BICD1: variants seen among roughly 807,000 people sequenced by gnomAD.
BICD1 encodes the protein protein bicaudal D homolog 1.
BICD1 carries 35 observed loss-of-function variants against 92.5 expected under a neutral mutation model. The observed-to-expected ratio is 0.38, with a 90% CI of 0.29 to 0.50. The LOEUF is 0.50. Ranked by LOEUF, BICD1 falls within the 20% of genes least tolerant of loss-of-function variation. BICD1 has a pLI of 0.93. For synonymous variants in BICD1, 429 were observed against 465.1 expected, an observed-to-expected ratio of 0.92 and a Z score of 1.00; for missense variants, 950 against 1,189.8, an observed-to-expected ratio of 0.80 and a Z score of 2.97.
At chr12:32,223,079 T>C (rs1945582190) in intron 2 of BICD1, among the ~76,000 whole-genome samples, 1 of 152,258 alleles carries the variant, frequency 6.6e-6, no homozygotes, top group African/African-American at 2.4e-5. Flanking sequence ...ACTTGCTGCA[T>C]TCAGTTAAAG....
intron 5 of BICD1, among the ~76,000 whole-genome samples, chr12:32,329,104 TA>T (rs201037289): frequency 1.4e-4 from 22 of 151,800 alleles, no homozygotes; most frequent in African/African-American, 2.4e-4. Context: ...TTATTATTAT[TA>T]TTTTTTATTT....
intron 2 of BICD1, among the ~76,000 whole-genome samples, chr12:32,261,131 A>G (rs974817257): frequency 4.6e-5 from 7 of 152,200 alleles, no homozygotes; most frequent in Non-Finnish European, 8.8e-5. Flanking sequence ...AGGAGGCCCA[A>G]GCTCATGATT....
chr12:32,215,187 C>CCACT (rs1243884090), intron 1 of BICD1, among the ~76,000 whole-genome samples: 2 of 151,632 alleles, frequency 1.3e-5, no homozygotes, highest in African/African-American at 4.9e-5. Context: ...CGAGATCATA[C>CCACT]CACTGCATTC....
At chr12:32,325,250 G>GGAGAC (rs1463220368) in intron 4 of BICD1, among the ~76,000 whole-genome samples, 3 of 151,984 alleles carry the variant, frequency 2.0e-5, no homozygotes, top group African/African-American at 7.3e-5. Flanking sequence ...TTTATCACTA[G>GGAGAC]GAGACAAGAC....
At chr12:32,120,873 GA>G in intron 1 of BICD1, among the ~76,000 whole-genome samples, 1 of 13,350 alleles carries the variant, frequency 7.5e-5, no homozygotes, top group South Asian at 2.9e-3. Context: ...CCATTAGAGA[GA>G]GAGAGAGAGA....
chr12:32,252,229 T>C (rs976684055), intron 2 of BICD1, among the ~76,000 whole-genome samples: 1 of 140,210 alleles, frequency 7.1e-6, no homozygotes, highest in Non-Finnish European at 1.5e-5. Context: ...GTATATATTA[T>C]ATATATAACT....
chr12:32,217,748 C>T (rs561286872), intron 2 of BICD1, among the ~76,000 whole-genome samples: 4 of 152,300 alleles, frequency 2.6e-5, no homozygotes, highest in African/African-American at 9.6e-5. Context: ...GACAGGGTGT[C>T]ACTCTATTGC....
intron 6 of BICD1, among the ~76,000 whole-genome samples, chr12:32,336,219 A>C (rs1034645548): frequency 7.2e-5 from 11 of 152,308 alleles, no homozygotes; most frequent in African/African-American, 2.6e-4. Context: ...TTAGCGGGTA[A>C]ATAAACTCAG....
intron 4 of BICD1, among the ~76,000 whole-genome samples, chr12:32,316,030 G>A (rs1203129743): frequency 6.6e-6 from 1 of 151,588 alleles, no homozygotes; most frequent in Non-Finnish European, 1.5e-5. Context: ...CAGCTACTTG[G>A]GAGGCTGAGG....
chr12:32,173,325 C>T (rs146244034), intron 1 of BICD1, among the ~76,000 whole-genome samples: 79 of 152,300 alleles, frequency 5.2e-4, no homozygotes, highest in African/African-American at 1.8e-3. Flanking sequence ...GCCGGGATTA[C>T]AGGCCTGAGC....
At chr12:32,304,294 A>T (rs1370983635) in intron 3 of BICD1, among the ~76,000 whole-genome samples, 1 of 152,240 alleles carries the variant, frequency 6.6e-6, no homozygotes, top group Non-Finnish European at 1.5e-5. Flanking sequence ...AATATTTTTT[A>T]AAATTCAAGT....
intron 4 of BICD1, among the ~76,000 whole-genome samples, chr12:32,324,563 G>C (rs535552577): frequency 2.4e-3 from 159 of 66,146 alleles, no homozygotes; most frequent in African/African-American, 8.9e-3. Context: ...CTACTGTACT[G>C]TACTTTTCTT....
intron 9 of BICD1, among the ~76,000 whole-genome samples, chr12:32,370,141 G>A (rs1304852597): frequency 1.3e-5 from 2 of 152,104 alleles, no homozygotes; most frequent in Non-Finnish European, 2.9e-5. Context: ...GGCCAAGGCC[G>A]GTGGATCACA....
At chr12:32,185,339 T>G (rs561860633) in intron 1 of BICD1, among the ~76,000 whole-genome samples, 2 of 152,356 alleles carry the variant, frequency 1.3e-5, no homozygotes, top group South Asian at 4.1e-4. Flanking sequence ...ACATTATACA[T>G]TATTAGTCAG....
chr12:32,357,738 GTC>G (rs1048726300), intron 8 of BICD1, among the ~76,000 whole-genome samples: 11 of 152,148 alleles, frequency 7.2e-5, no homozygotes, highest in African/African-American at 2.7e-4. Context: ...CATCCCTGGT[GTC>G]TCTCTGCATG....
chr12:32,194,652 G>C (rs557529602), intron 1 of BICD1, among the ~76,000 whole-genome samples: 1 of 151,786 alleles, frequency 6.6e-6, no homozygotes, highest in Non-Finnish European at 1.5e-5. Flanking sequence ...GAGGCCGAGG[G>C]GGGTGGATCA....
rs756688185 is a variant in BICD1, at chr12:32,107,561, C to A, written c.213+17C>A. The A allele has an allele frequency of 3.2e-6, 5 of 1,561,560 alleles. No homozygotes were observed. In the East Asian group the frequency reaches 1.2e-4, roughly 37 times the overall value. On this transcript the variant is annotated intron_variant, in intron 1 of 9. Coordinates refer to ENST00000652176, the MANE Select transcript of BICD1 (RefSeq NM_001714.4). ...CTCAAAGAGGTGAGTTGCCTGTCAC[C>A]TCTCCCTTTCCTGGCCCTCACTCCC...
At position 32,379,265 on chromosome 12, in the gene BICD1, T is replaced by C. The variant is rs1416819361; in HGVS notation, c.*1638T>C. 3 of 152,174 alleles carry C rather than the reference T, an allele frequency of 2.0e-5. No homozygotes were observed. Among genetic ancestry groups the C allele is most frequent in the African/African-American group, 2.4e-5 (1 of 41,440 alleles). The allele number at this position is 152,174 out of a possible 1,614,324, so 9.4% of individuals were successfully genotyped here. A position where few individuals can be genotyped will look rare whatever the true frequency, so the allele number is the denominator to read the frequency against. Reference sequence around the variant, plus strand: ...ATGGAGTGGTCCATCAGAGACCAAATGGTAAGTCGTAAAGCACATTGCAGG... The same window carrying C: ...ATGGAGTGGTCCATCAGAGACCAAACGGTAAGTCGTAAAGCACATTGCAGG... On this transcript the variant is annotated 3_prime_UTR_variant, in exon 10 of 10. Transcript: ENST00000652176.
At chr12:32,319,936 C>A (rs1275085719) in intron 4 of BICD1, among the ~76,000 whole-genome samples, 1 of 152,144 alleles carries the variant, frequency 6.6e-6, no homozygotes, top group Non-Finnish European at 1.5e-5. Flanking sequence ...GTCCAGTTGA[C>A]TGACTTTTGT....
Sources: gnomAD v4.1 joint callset for allele counts (sites outside exome capture counted in the v4.1 genomes callset) on GRCh38, gnomAD v4.1.1 for gene constraint, MANE v1.5 for transcripts, NCBI Gene and HGNC (gene_info 2026-07-23, HGNC 2026-07-21) for gene names.